The following PTPRD variants were observed in gnomAD, a reference collection of about 807,000 sequenced individuals.
PTPRD encodes receptor-type tyrosine-protein phosphatase delta.
A neutral mutation model predicts 214.5 loss-of-function variants in PTPRD; 34 were observed. The ratio of observed to expected loss-of-function variants is 0.16; its 90% CI spans 0.12 to 0.21. The LOEUF (loss-of-function observed/expected upper bound fraction) is 0.21. PTPRD is among the 10% of genes least tolerant of loss of function. The pLI is 1.00. For missense variants in PTPRD, 2,545 were observed against 2,398.7 expected, an observed-to-expected ratio of 1.06 and a Z score of -1.27; for synonymous variants, 1,128 against 845.7, an observed-to-expected ratio of 1.33 and a Z score of -5.79.
In PTPRD at chr9:8,934,486, T is replaced by A. The variant is rs1457325067; in HGVS notation, c.-104+84211A>T. Among the ~76,000 whole-genome samples the A allele has an allele frequency of 6.6e-3, 67 of 10,178 alleles. 3 individuals are homozygous for A. The highest frequency in any genetic ancestry group is 0.071 in the Middle Eastern group (1 of 14). 6.7% of individuals were successfully genotyped at this position (10,178 alleles called of 152,430 possible). A position where few individuals can be genotyped will look rare whatever the true frequency, so the allele number is the denominator to read the frequency against. The stretch of plus-strand genomic sequence containing the variant: ...ATAAATATATATATATAAATATATA[T>A]ATATATAAATATATATATAAATATA... On this transcript the variant is annotated intron_variant, in intron 11 of 45. Coordinates refer to ENST00000381196, the MANE Select transcript of PTPRD (RefSeq NM_002839.4).
chr9:9,679,526 T>G (rs1053025968), intron 7 of PTPRD, among the ~76,000 whole-genome samples: 1 of 151,878 alleles, frequency 6.6e-6, no homozygotes, highest in Non-Finnish European at 1.5e-5. Context: ...ATTAAATGGA[T>G]CAGTCCTCTG....
At chr9:9,718,928 G>A (rs571551510) in intron 7 of PTPRD, among the ~76,000 whole-genome samples, 52 of 152,128 alleles carry the variant, frequency 3.4e-4, no homozygotes, top group African/African-American at 1.2e-3. Context: ...AGGCAGACAG[G>A]TTCCTAAGTG....
chr9:10,241,343 C>A (rs2091004053), intron 3 of PTPRD, among the ~76,000 whole-genome samples: 1 of 151,856 alleles, frequency 6.6e-6, no homozygotes, highest in South Asian at 2.1e-4. Context: ...TCATTTCATT[C>A]CTAGAGATTT....
chr9:9,923,758 C>A (rs2083333543), intron 5 of PTPRD, among the ~76,000 whole-genome samples: 2 of 151,852 alleles, frequency 1.3e-5, no homozygotes, highest in Admixed American at 6.6e-5. Flanking sequence ...AAGTACACAT[C>A]TAAAATGTAT....
chr9:8,495,681 A>C (rs947326984), intron 26 of PTPRD, among the ~76,000 whole-genome samples: 1 of 152,338 alleles, frequency 6.6e-6, no homozygotes, highest in East Asian at 1.9e-4. Flanking sequence ...ATTTTAGTTA[A>C]ACAGAGGTGT....
chr9:8,398,731 C>G (rs929253328), intron 36 of PTPRD, among the ~76,000 whole-genome samples: 4 of 152,096 alleles, frequency 2.6e-5, no homozygotes, highest in African/African-American at 7.2e-5. Context: ...TCAGGGGATG[C>G]AGCAAAACAG....
intron 10 of PTPRD, among the ~76,000 whole-genome samples, chr9:9,052,045 C>T (rs1406378596): frequency 1.3e-5 from 2 of 152,132 alleles, no homozygotes; most frequent in East Asian, 1.9e-4. Context: ...ACATTTATTT[C>T]TCATAGTTCT....
chr9:10,024,970 T>C (rs898448923), intron 4 of PTPRD, among the ~76,000 whole-genome samples: 2 of 152,004 alleles, frequency 1.3e-5, no homozygotes, highest in African/African-American at 4.8e-5. Flanking sequence ...TCATCATTTT[T>C]TATGGATGCA....
intron 9 of PTPRD, among the ~76,000 whole-genome samples, chr9:9,233,760 G>C (rs897093342): frequency 2.6e-5 from 4 of 152,176 alleles, no homozygotes; most frequent in African/African-American, 7.2e-5. Context: ...AAACCTTAAA[G>C]TTCCAAAATG....
At chr9:10,181,605 G>C (rs904308729) in intron 3 of PTPRD, among the ~76,000 whole-genome samples, 5 of 151,674 alleles carry the variant, frequency 3.3e-5, no homozygotes, top group African/African-American at 9.7e-5. Flanking sequence ...ATAGAGAACT[G>C]ATTCTGTCAG....
At chr9:9,870,246 T>C (rs1267938823) in intron 5 of PTPRD, among the ~76,000 whole-genome samples, 1 of 152,052 alleles carries the variant, frequency 6.6e-6, no homozygotes, top group African/African-American at 2.4e-5. Flanking sequence ...TAAAAAGATT[T>C]TTAAAATTCA....
chr9:8,465,438 G>C (rs570803595), intron 32 of PTPRD, 28 bp downstream of exon 32: 17 of 1,594,294 alleles, frequency 1.1e-5, no homozygotes, highest in Non-Finnish European at 1.5e-5. Context: ...CGTACCATAG[G>C]AAACAGATGC....
At chr9:8,716,483 T>C (rs2098437529) in intron 12 of PTPRD, among the ~76,000 whole-genome samples, 1 of 152,204 alleles carries the variant, frequency 6.6e-6, no homozygotes. Flanking sequence ...AGCACAGAAA[T>C]AGCTGGAAAC....
intron 3 of PTPRD, among the ~76,000 whole-genome samples, chr9:10,209,536 A>G (rs2099504842): frequency 6.6e-6 from 1 of 152,094 alleles, no homozygotes; most frequent in South Asian, 2.1e-4. Context: ...TCTCGCATAG[A>G]ACTGGATTCC....
chr9:10,152,807 A>G (rs2099069865), intron 3 of PTPRD, among the ~76,000 whole-genome samples: 1 of 152,156 alleles, frequency 6.6e-6, no homozygotes, highest in African/African-American at 2.4e-5. Flanking sequence ...CCTGGGCAAC[A>G]AGAGTGAACT....
At chr9:8,830,885 G>A (rs1053150950) in intron 11 of PTPRD, among the ~76,000 whole-genome samples, 11 of 152,004 alleles carry the variant, frequency 7.2e-5, no homozygotes, top group African/African-American at 2.4e-4. Flanking sequence ...CTCTTCAATT[G>A]ATTAATTATT....
intron 14 of PTPRD, among the ~76,000 whole-genome samples, chr9:8,575,646 T>C (rs2092231429): frequency 1.3e-5 from 2 of 152,198 alleles, no homozygotes; most frequent in African/African-American, 4.8e-5. Context: ...CTTAAGTCCA[T>C]AAATTTTCCA....
intron 8 of PTPRD, among the ~76,000 whole-genome samples, chr9:9,420,775 ATCGAT>A (rs1214344843): frequency 3.3e-5 from 5 of 151,990 alleles, no homozygotes; most frequent in Non-Finnish European, 7.4e-5. Flanking sequence ...GATGCCCATG[ATCGAT>A]TAAATTATTA....
chr9:8,951,656 T>C (rs2099102869), intron 11 of PTPRD, among the ~76,000 whole-genome samples: 1 of 152,060 alleles, frequency 6.6e-6, no homozygotes, highest in Admixed American at 6.6e-5. Flanking sequence ...TAAATTATTC[T>C]GGACTCCATT....
Sources: allele counts gnomAD v4.1 joint callset (sites outside exome capture counted in the v4.1 genomes callset), GRCh38; gene constraint gnomAD v4.1.1; transcripts MANE v1.5; gene names NCBI Gene and HGNC (gene_info 2026-07-23, HGNC 2026-07-21).